CDH18: variants seen among roughly 807,000 people sequenced by gnomAD.
CDH18 encodes the protein cadherin-18.
A neutral mutation model predicts 67.9 loss-of-function variants in CDH18; 31 were observed. That is an observed-to-expected ratio of 0.46 (90% CI 0.34 to 0.62). The LOEUF is 0.62. Among genes scored for constraint, CDH18 ranks in the 20% least tolerant of loss-of-function variants. The pLI, the probability that CDH18 is intolerant of heterozygous loss-of-function variation, is 0.01. For synonymous variants in CDH18, 362 were observed against 347.2 expected (o/e 1.04, Z -0.48); for missense variants, 890 against 975.5 (o/e 0.91, Z 1.17).
At chr5:19,857,586 C>G (rs1784445716) in intron 2 of CDH18, among the ~76,000 whole-genome samples, 1 of 152,176 alleles carries the variant, frequency 6.6e-6, no homozygotes, top group Non-Finnish European at 1.5e-5. Flanking sequence ...ATAAATCAGA[C>G]TAGTAGGGAA....
chr5:19,718,250 G>C (rs1333625130), intron 5 of CDH18, among the ~76,000 whole-genome samples: 1 of 151,942 alleles, frequency 6.6e-6, no homozygotes, highest in African/African-American at 2.4e-5. Flanking sequence ...TCCACATTTT[G>C]AGGGGTCAGA....
At chr5:20,511,539 T>G (rs1252620530) in intron 1 of CDH18, among the ~76,000 whole-genome samples, 1 of 152,208 alleles carries the variant, frequency 6.6e-6, no homozygotes, top group Non-Finnish European at 1.5e-5. Flanking sequence ...AGATTAAAAG[T>G]GATATAACCC....
At chr5:20,522,041 T>G (rs1484398682) in intron 1 of CDH18, among the ~76,000 whole-genome samples, 1 of 152,146 alleles carries the variant, frequency 6.6e-6, no homozygotes, top group African/African-American at 2.4e-5. Flanking sequence ...GTATTCAAAG[T>G]GGGCCCTGTT....
intron 2 of CDH18, among the ~76,000 whole-genome samples, chr5:20,194,600 T>C (rs1163692879): frequency 2.0e-5 from 3 of 152,098 alleles, no homozygotes; most frequent in African/African-American, 4.8e-5. Context: ...ATGATATTTA[T>C]TATATATGTA....
intron 1 of CDH18, among the ~76,000 whole-genome samples, chr5:20,378,468 G>A (rs1163822371): frequency 6.6e-6 from 1 of 152,150 alleles, no homozygotes; most frequent in Non-Finnish European, 1.5e-5. Context: ...ACTGGTCTAG[G>A]TGGACATCGT....
intron 1 of CDH18, among the ~76,000 whole-genome samples, chr5:20,516,413 A>G (rs1581138637): frequency 6.6e-6 from 1 of 152,022 alleles, no homozygotes; most frequent in East Asian, 1.9e-4. Context: ...TAGTAAGATA[A>G]TTTACTGCAA....
At chr5:20,325,627 A>G (rs1738494490) in intron 1 of CDH18, among the ~76,000 whole-genome samples, 1 of 151,930 alleles carries the variant, frequency 6.6e-6, no homozygotes, top group African/African-American at 2.4e-5. Context: ...TCACTACTTC[A>G]GCATTTATGT....
intron 2 of CDH18, among the ~76,000 whole-genome samples, chr5:20,242,340 A>T (rs1020915515): frequency 3.3e-5 from 5 of 151,594 alleles, no homozygotes; most frequent in African/African-American, 1.2e-4. Flanking sequence ...ACAATGCATT[A>T]TTATTTATTA....
Position 19,764,084 on chromosome 5 carries a change from G to T in CDH18, c.229-16848C>A, listed in dbSNP as rs12657839. Among the ~76,000 whole-genome samples, 188 of 147,960 alleles carry T rather than the reference G, an allele frequency of 1.3e-3. 3 individuals are homozygous for T. The highest frequency in any genetic ancestry group is 0.012 in the Admixed American group (173 of 14,702). On this transcript the variant is annotated intron_variant, in intron 3 of 12. Coordinates refer to ENST00000382275, the MANE Select transcript of CDH18 (RefSeq NM_004934.5). ...TTGGGAGGCTGAGACAGGAGAAATC[G>T]CTTGAACCCAGGAGGTGGAGCTTGC...
At chr5:19,523,593 TG>T in intron 9 of CDH18, among the ~76,000 whole-genome samples, 1 of 152,010 alleles carries the variant, frequency 6.6e-6, no homozygotes, top group African/African-American at 2.4e-5. Flanking sequence ...CTCATTAGTA[TG>T]AAAAAAAGTA....
intron 3 of CDH18, among the ~76,000 whole-genome samples, chr5:19,778,389 G>A (rs1442803653): frequency 1.3e-5 from 2 of 152,102 alleles, no homozygotes; most frequent in Non-Finnish European, 2.9e-5. Flanking sequence ...GTCTTTATCA[G>A]ACAAGAAGAA....
intron 1 of CDH18, among the ~76,000 whole-genome samples, chr5:20,353,682 G>A (rs1032564918): frequency 6.6e-6 from 1 of 152,270 alleles, no homozygotes. Flanking sequence ...AGTCTCTTCA[G>A]AATAGCTTAT....
intron 1 of CDH18, among the ~76,000 whole-genome samples, chr5:20,497,736 C>A (rs1753995417): frequency 6.6e-6 from 1 of 151,992 alleles, no homozygotes; most frequent in South Asian, 2.1e-4. Context: ...ATAAAAGAGA[C>A]CCTCATGAGA....
At chr5:19,709,036 C>G (rs988809714) in intron 5 of CDH18, among the ~76,000 whole-genome samples, 1 of 143,778 alleles carries the variant, frequency 7.0e-6, no homozygotes, top group African/African-American at 2.6e-5. Context: ...AAATAAATAA[C>G]TTTCCTTTCA....
intron 5 of CDH18, among the ~76,000 whole-genome samples, chr5:19,712,860 G>A (rs1403168947): frequency 8.6e-5 from 13 of 151,398 alleles, no homozygotes; most frequent in Admixed American, 6.6e-4. Context: ...GGAATCAATG[G>A]GATTGCAGTA....
Position 19,591,111 on chromosome 5 carries a change from T to G in CDH18, c.945A>C (p.Ile315=). The change falls in exon 7 of 13, where the codon ATA becomes ATC. Residue 315 remains isoleucine (I), a synonymous_variant. Coordinates refer to ENST00000382275, the MANE Select transcript of CDH18 (RefSeq NM_004934.5). Reference sequence around the variant, plus strand: ...TCTCTTTGTCAGTGGAGATTGAGAATATTCCCATGCCATCACCATTTATGA... The same window carrying G: ...TCTCTTTGTCAGTGGAGATTGAGAAGATTCCCATGCCATCACCATTTATGA... ...YSIINGDGMG[I]FSISTDKETR... 6.2e-7 allele frequency: 1 copy of G among 1,611,338 alleles called. No individual in the cohort carries two copies. The highest frequency in any genetic ancestry group is 8.5e-7 in the Non-Finnish European group (1 of 1,178,254).
intron 1 of CDH18, among the ~76,000 whole-genome samples, chr5:20,267,552 G>A (rs1745135177): frequency 6.6e-6 from 1 of 151,744 alleles, no homozygotes; most frequent in Non-Finnish European, 1.5e-5. Context: ...TTTTCCATTT[G>A]TTTGTGTCAT....
intron 9 of CDH18, among the ~76,000 whole-genome samples, chr5:19,532,017 A>T (rs923299002): frequency 9.9e-5 from 15 of 152,186 alleles, no homozygotes; most frequent in African/African-American, 3.6e-4. Flanking sequence ...AAGTGACTAG[A>T]TGCCTCTGCA....
chr5:19,713,804 G>A (rs1425422798), intron 5 of CDH18, among the ~76,000 whole-genome samples: 1 of 152,058 alleles, frequency 6.6e-6, no homozygotes, highest in South Asian at 2.1e-4. Context: ...TGTGAAAAAT[G>A]TCCTTTTGCA....
Sources: gnomAD v4.1 joint callset for allele counts (sites outside exome capture counted in the v4.1 genomes callset) on GRCh38, gnomAD v4.1.1 for gene constraint, MANE v1.5 for transcripts, NCBI Gene and HGNC (gene_info 2026-07-23, HGNC 2026-07-21) for gene names.